The following WRN variants were observed in gnomAD, a reference collection of about 807,000 sequenced individuals.
The protein encoded by WRN is WRN RecQ like helicase.
A neutral mutation model predicts 180.7 loss-of-function variants in WRN; 149 were observed. The observed-to-expected ratio is 0.82, with a 90% CI of 0.72 to 0.94. WRN has a LOEUF of 0.94. Ranked by LOEUF, WRN falls within the 40% of genes least tolerant of loss-of-function variation. WRN has a pLI of 0.00. For synonymous variants in WRN, 548 were observed against 568.9 expected (o/e 0.96, Z 0.52); for missense variants, 1,661 against 1,700.1 (o/e 0.98, Z 0.40).
intron 18 of WRN, among the ~76,000 whole-genome samples, chr8:31,110,353 C>T (rs1460994686): frequency 6.6e-6 from 1 of 151,912 alleles, no homozygotes; most frequent in Non-Finnish European, 1.5e-5. Flanking sequence ...TTTGGGGTTG[C>T]CTTTTAAAAT....
At chr8:31,034,085 T>C (rs1298325463) in intron 1 of WRN, 112 bp downstream of exon 1, 1 of 152,242 alleles carries the variant, frequency 6.6e-6, no homozygotes, top group East Asian at 1.9e-4. Flanking sequence ...GCCCCTGGGC[T>C]GTGTTTGGGA....
Position 31,082,756 on chromosome 8 carries a change from C to A in WRN, c.1270-943C>A, listed in dbSNP as rs547511303. Reference sequence around the variant, plus strand: ...GGATTACAGGTGCCCGCCACCACACCCGGCTAATTTTTGTATTTTTAGTAG... The same window carrying A: ...GGATTACAGGTGCCCGCCACCACACACGGCTAATTTTTGTATTTTTAGTAG... On this transcript the variant is annotated intron_variant, in intron 9 of 34. Coordinates refer to ENST00000298139, the MANE Select transcript of WRN (RefSeq NM_000553.6). 3.9e-5 allele frequency among the ~76,000 whole-genome samples: 6 copies of A among 152,044 alleles called. No individual in the cohort carries two copies. The East Asian group carries it at 1.2e-3, about 29-fold the overall frequency.
intron 1 of WRN, among the ~76,000 whole-genome samples, chr8:31,050,350 A>C (rs530989923): frequency 6.6e-6 from 1 of 152,146 alleles, no homozygotes; most frequent in African/African-American, 2.4e-5. Flanking sequence ...ATTATTTAAC[A>C]TGTGGATATT....
At chr8:31,050,814 G>A (rs1001182614) in intron 1 of WRN, among the ~76,000 whole-genome samples, 1 of 151,870 alleles carries the variant, frequency 6.6e-6, no homozygotes, top group Non-Finnish European at 1.5e-5. Context: ...TGTTCTTTTA[G>A]GATATTTTGT....
chr8:31,147,180 T>C (rs775554098), intron 29 of WRN, 52 bp downstream of exon 29: 1 of 1,569,176 alleles, frequency 6.4e-7, no homozygotes, highest in East Asian at 2.2e-5. Flanking sequence ...GTTATGATTC[T>C]ATGTATGCTT....
rs1429588728 is a variant in WRN at position 31,172,943 on chromosome 8, C to G, written c.4192-52C>G. 5.8e-6 allele frequency: 9 copies of G among 1,559,452 alleles called. No individual in the cohort carries two copies. The African/African-American group carries it at 1.1e-4, about 19-fold the overall frequency. ...TATGTTACTTTTTTGCAACTAATAC[C>G]CCTTCTCAGTAGTACAAAGATTTGA... On this transcript the variant is annotated intron_variant, in intron 34 of 34. Coordinates refer to ENST00000298139, the MANE Select transcript of WRN (RefSeq NM_000553.6).
At chr8:31,063,691 T>C (rs558514851) in intron 3 of WRN, among the ~76,000 whole-genome samples, 1 of 152,334 alleles carries the variant, frequency 6.6e-6, no homozygotes, top group South Asian at 2.1e-4. Context: ...AGTAGTGTCT[T>C]CACATATTTT....
rs1804167960 is a variant in WRN at position 31,173,163 on chromosome 8, A to G, written c.*61A>G. 6.8e-7 allele frequency: 1 copy of G among 1,479,318 alleles called. No individual in the cohort carries two copies. The highest frequency in any genetic ancestry group is 1.2e-5 in the South Asian group (1 of 86,750). 91.6% of individuals were successfully genotyped at this position (1,479,318 alleles called of 1,614,324 possible). A position where few individuals can be genotyped will look rare whatever the true frequency, so the allele number is the denominator to read the frequency against. ...TATTATAAGAGGATAGCTATATTTT[A>G]TTTCTGAAGAGTAAGGAGTAGTATT... On this transcript the variant is annotated 3_prime_UTR_variant, in exon 35 of 35. Coordinates refer to ENST00000298139, the MANE Select transcript of WRN (RefSeq NM_000553.6).
intron 23 of WRN, 22 bp downstream of exon 23, chr8:31,125,022 T>C (rs376408329): frequency 3.8e-6 from 6 of 1,595,874 alleles, no homozygotes; most frequent in East Asian, 2.2e-5. Flanking sequence ...TTATTATAGA[T>C]GGACATTCTA....
intron 7 of WRN, among the ~76,000 whole-genome samples, chr8:31,070,090 T>C (rs1812849537): frequency 6.6e-6 from 1 of 151,872 alleles, no homozygotes; most frequent in African/African-American, 2.4e-5. Flanking sequence ...TGTGACATCT[T>C]GACTCAGATT....
intron 31 of WRN, among the ~76,000 whole-genome samples, chr8:31,152,667 T>C (rs920880427): frequency 6.6e-6 from 1 of 152,186 alleles, no homozygotes; most frequent in African/African-American, 2.4e-5. Flanking sequence ...GCTAACTAGA[T>C]TTGAATATTA....
rs753347292 is a variant in WRN, at chr8:31,068,248, T to C, written c.655-10T>C. 1 of 1,595,680 alleles carries C rather than the reference T, an allele frequency of 6.3e-7. No individual in the cohort carries two copies. Among genetic ancestry groups the C allele is most frequent in the Admixed American group, 1.7e-5 (1 of 58,988 alleles). On this transcript the variant is annotated splice_polypyrimidine_tract_variant and intron_variant, in intron 6 of 34. Coordinates refer to ENST00000298139, the MANE Select transcript of WRN (RefSeq NM_000553.6). ...TAGCATACTTTTTAAATTTTTCTGT[T>C]TTTTTATAGGCTGGTTTTATTATTT... is the stretch of plus-strand genomic sequence containing the variant.
chr8:31,055,946 T>C (rs1396022603), intron 1 of WRN, among the ~76,000 whole-genome samples: 1 of 152,236 alleles, frequency 6.6e-6, no homozygotes, highest in Non-Finnish European at 1.5e-5. Context: ...TTCTGTGTGC[T>C]TTTTATCTAT....
intron 30 of WRN, among the ~76,000 whole-genome samples, chr8:31,149,199 C>A (rs1244250095): frequency 6.6e-6 from 1 of 151,842 alleles, no homozygotes; most frequent in African/African-American, 2.4e-5. Flanking sequence ...AGATCGAGGC[C>A]ATCCTGGCTA....
At chr8:31,163,900 T>C (rs543081903) in intron 33 of WRN, among the ~76,000 whole-genome samples, 40 of 151,758 alleles carry the variant, frequency 2.6e-4, no homozygotes, top group African/African-American at 7.5e-4. Context: ...TTTCCCAGGC[T>C]GGAGTGCCGT....
At chr8:31,039,056 G>C (rs1291938824) in intron 1 of WRN, among the ~76,000 whole-genome samples, 4 of 152,100 alleles carry the variant, frequency 2.6e-5, no homozygotes, top group South Asian at 2.1e-4. Context: ...TTGGCTATTT[G>C]GGGTCCCTTG....
intron 1 of WRN, among the ~76,000 whole-genome samples, chr8:31,050,627 G>A (rs1812046705): frequency 6.6e-6 from 1 of 151,286 alleles, no homozygotes; most frequent in Non-Finnish European, 1.5e-5. Flanking sequence ...CAACACTAGA[G>A]CAGTCTGCAT....
chr8:31,120,266 T>C lies in WRN; in HGVS notation c.2472T>C (p.Phe824=). The change falls in exon 21 of 35, where the codon TTT becomes TTC. Residue 824 remains phenylalanine, a synonymous_variant. Transcript: ENST00000298139. ...AGTGTGTCATAGCTACCATAGCTTTTGGAATGGGCATTAATAAAGCTGACA... is the reference window on the plus strand; with the variant it reads ...AGTGTGTCATAGCTACCATAGCTTTCGGAATGGGCATTAATAAAGCTGACA... ...EIQCVIATIA[F]GMGINKADIR... The C allele has an allele frequency of 6.2e-7, 1 of 1,612,870 alleles. No homozygotes were observed. The highest frequency in any genetic ancestry group is 8.5e-7 in the Non-Finnish European group (1 of 1,179,020).
At position 31,129,153 on chromosome 8, in the gene WRN, A is replaced by AT. The variant is rs922318007; in HGVS notation, c.2826-3203dup. Among the ~76,000 whole-genome samples the AT allele has an allele frequency of 4.6e-5, 7 of 151,670 alleles. No homozygotes were observed. In the East Asian group the frequency reaches 5.8e-4, roughly 13 times the overall value. On this transcript the variant is annotated intron_variant, in intron 23 of 34. Transcript: ENST00000298139. ...TACCAGACCCAGTTAATTAAAACAAATTTTTTTTTGGTAGAGACAGTCTCA... is the reference window on the plus strand; with the variant it reads ...TACCAGACCCAGTTAATTAAAACAAATTTTTTTTTTGGTAGAGACAGTCTCA...
Sources: allele counts gnomAD v4.1 joint callset (sites outside exome capture counted in the v4.1 genomes callset), GRCh38; gene constraint gnomAD v4.1.1; transcripts MANE v1.5; gene names NCBI Gene and HGNC (gene_info 2026-07-23, HGNC 2026-07-21).